Variants in NPIPB15 observed in about 807,000 individuals in gnomAD.
The protein encoded by NPIPB15 is nuclear pore complex-interacting protein family member B15.
NPIPB15 carries 5 observed loss-of-function variants against 35.9 expected under a neutral mutation model. The observed-to-expected ratio is 0.14, with a 90% confidence interval of 0.07 to 0.29. The LOEUF is 0.29. Ranked by LOEUF, NPIPB15 falls within the 10% of genes least tolerant of loss-of-function variation. NPIPB15 has a pLI of 1.00. For missense variants in NPIPB15, 100 were observed against 506.1 expected, an observed-to-expected ratio of 0.20 and a Z score of 7.70; for synonymous variants, 43 against 182.0, an observed-to-expected ratio of 0.24 and a Z score of 6.15.
Position 74,391,422 on chromosome 16 carries a change from C to A in NPIPB15, c.674C>A (p.Ser225Tyr). Residue 225 changes from serine (S) to tyrosine (Y), a missense_variant, in exon 8 of 8, where the codon TCT becomes TAT. Coordinates refer to ENST00000692376, the MANE Select transcript of NPIPB15 (RefSeq NM_001306094.2). Reference protein sequence around the residue: ...VRMAAAEHRHSSGLPCWPYLT... With the variant: ...VRMAAAEHRHYSGLPCWPYLT... ...ATGGCGGCAGCGGAGCATCGTCATT[C>A]TTCAGGATTGCCCTGCTGGCCCTAC... 6.2e-7 allele frequency: 1 copy of A among 1,609,218 alleles called. No individual in the cohort carries two copies. Among genetic ancestry groups the A allele is most frequent in the Non-Finnish European group, 8.5e-7 (1 of 1,179,838 alleles).
intron 2 of NPIPB15, among the ~76,000 whole-genome samples, chr16:74,381,003 C>T (rs2011959725): frequency 6.6e-6 from 1 of 150,542 alleles, no homozygotes; most frequent in Non-Finnish European, 1.5e-5. Context: ...ATGAGTCGGG[C>T]ATGGTGGCAG....
chr16:74,377,450 T>C (rs3929017), intron 1 of NPIPB15, among the ~76,000 whole-genome samples, 104 bp downstream of exon 1: 29,696 of 141,144 alleles, frequency 0.21, 1,494 homozygotes, highest in Admixed American at 0.31. Flanking sequence ...GCATTGTCCA[T>C]TGTGAGGCAC....
Sources: gnomAD v4.1 joint callset for allele counts (sites outside exome capture counted in the v4.1 genomes callset) on GRCh38, gnomAD v4.1.1 for gene constraint, MANE v1.5 for transcripts, NCBI Gene and HGNC (gene_info 2026-07-23, HGNC 2026-07-21) for gene names.